Variants in TMEM207 observed in about 807,000 individuals in gnomAD.
TMEM207 encodes the protein SRSR846.
A neutral mutation model predicts 17.4 loss-of-function variants in TMEM207; 15 were observed. The observed-to-expected ratio is 0.86, with a 90% CI of 0.58 to 1.33. The LOEUF (loss-of-function observed/expected upper bound fraction) is 1.33. Ranked by LOEUF, TMEM207 falls within the 40% of genes most tolerant of loss-of-function variation. TMEM207 has a pLI of 0.00. For synonymous variants in TMEM207, 70 were observed against 65.6 expected (o/e 1.07, Z -0.33); for missense variants, 205 against 173.8 (o/e 1.18, Z -1.01).
chr3:190,444,481 T>A, intron 2 of TMEM207: 1 of 978,952 alleles, frequency 1.0e-6, no homozygotes, highest in African/African-American at 1.8e-5. Flanking sequence ...GTGTTCCAAA[T>A]GCTTTAAGGA....
rs898899988 is a variant in TMEM207 at position 190,429,438 on chromosome 3, T to G, written c.*157A>C. 9 of 1,076,520 alleles carry G rather than the reference T, an allele frequency of 8.4e-6. No homozygotes were observed. The highest frequency in any genetic ancestry group is 1.2e-5 in the Non-Finnish European group (9 of 775,108). 66.7% of individuals were successfully genotyped at this position (1,076,520 alleles called of 1,614,324 possible). On this transcript the variant is annotated 3_prime_UTR_variant, in exon 5 of 5. Transcript: ENST00000354905. ...TATTTAAACATCTCCATGACCAAAA[T>G]TTTTTCCAACATCCATTCTTTTGTC...
In TMEM207 at chr3:190,429,473, T is replaced by C. The variant is rs1315312512; in HGVS notation, c.*122A>G. The stretch of plus-strand genomic sequence containing the variant: ...CATCCATTCTTTTGTCGAATTGTCC[T>C]TCCTCAGACTATATGAATAGATCTC... On this transcript the variant is annotated 3_prime_UTR_variant, in exon 5 of 5. Coordinates refer to ENST00000354905, the MANE Select transcript of TMEM207 (RefSeq NM_207316.3). The C allele has an allele frequency of 7.3e-7, 1 of 1,366,364 alleles. No homozygotes were observed. Among genetic ancestry groups the C allele is most frequent in the East Asian group, 2.5e-5 (1 of 40,336 alleles). 84.6% of individuals were successfully genotyped at this position (1,366,364 alleles called of 1,614,324 possible). A position where few individuals can be genotyped will look rare whatever the true frequency, so the allele number is the denominator to read the frequency against.
intron 2 of TMEM207, 86 bp downstream of exon 2, chr3:190,447,704 G>C: frequency 7.3e-7 from 1 of 1,365,954 alleles, no homozygotes; most frequent in Non-Finnish European, 1.0e-6. Flanking sequence ...ACTCAACTGG[G>C]CTTTTTCTAA....
At chr3:190,449,086 G>T (rs546633114) in intron 1 of TMEM207, among the ~76,000 whole-genome samples, 1 of 152,136 alleles carries the variant, frequency 6.6e-6, no homozygotes, top group Non-Finnish European at 1.5e-5. Context: ...AGTCACTTCC[G>T]TGTTTTTTCT....
chr3:190,438,337 CAT>C (rs1420982660), intron 4 of TMEM207, among the ~76,000 whole-genome samples: 3 of 147,188 alleles, frequency 2.0e-5, no homozygotes, highest in African/African-American at 7.6e-5. Context: ...TTCAGAGTAA[CAT>C]AGAGAATGTG....
chr3:190,430,530 TA>T (rs1359629845), intron 4 of TMEM207, among the ~76,000 whole-genome samples: 1 of 151,156 alleles, frequency 6.6e-6, no homozygotes, highest in Admixed American at 6.6e-5. Flanking sequence ...TATATATATA[TA>T]TATGTATAAA....
chr3:190,444,554 T>G (rs1720005095), intron 2 of TMEM207: 1 of 602,356 alleles, frequency 1.7e-6, no homozygotes. Context: ...AGACAGAGAA[T>G]AGGCCAATAG....
intron 1 of TMEM207, among the ~76,000 whole-genome samples, chr3:190,448,274 G>A (rs1282298061): frequency 6.6e-6 from 1 of 151,968 alleles, no homozygotes; most frequent in Non-Finnish European, 1.5e-5. Context: ...TAGCATTAAT[G>A]GGCATTAAAT....
chr3:190,446,507 A>T (rs1448931439), intron 2 of TMEM207, among the ~76,000 whole-genome samples: 3 of 151,470 alleles, frequency 2.0e-5, no homozygotes, highest in East Asian at 1.9e-4. Flanking sequence ...TTGAGGGTTA[A>T]TTTTTTTTTG....
intron 4 of TMEM207, among the ~76,000 whole-genome samples, chr3:190,436,249 C>G (rs1457992565): frequency 2.6e-5 from 4 of 152,198 alleles, no homozygotes; most frequent in Admixed American, 2.0e-4. Context: ...CAAATCTAGT[C>G]TCTCCATTAA....
At chr3:190,432,496 T>C (rs1719712644) in intron 4 of TMEM207, among the ~76,000 whole-genome samples, 1 of 152,228 alleles carries the variant, frequency 6.6e-6, no homozygotes, top group Admixed American at 6.5e-5. Context: ...AAATGCTCAA[T>C]GAATGAGTCA....
rs1280801548 is a variant in TMEM207, at chr3:190,429,432, C to A, written c.*163G>T. 1.0e-6 allele frequency: 1 copy of A among 977,794 alleles called. No homozygotes were observed. The highest frequency in any genetic ancestry group is 1.7e-5 in the African/African-American group (1 of 59,406). The allele number at this position is 977,794 out of a possible 1,614,324, so 60.6% of individuals were successfully genotyped here. A position where few individuals can be genotyped will look rare whatever the true frequency, so the allele number is the denominator to read the frequency against. On this transcript the variant is annotated 3_prime_UTR_variant, in exon 5 of 5. Transcript: ENST00000354905. Reference sequence around the variant, plus strand: ...CTTTACTATTTAAACATCTCCATGACCAAAATTTTTTCCAACATCCATTCT... The same window carrying A: ...CTTTACTATTTAAACATCTCCATGAACAAAATTTTTTCCAACATCCATTCT...
At chr3:190,440,127 C>T (rs1017579163) in intron 4 of TMEM207, 117 bp downstream of exon 4, 13 of 1,272,084 alleles carry the variant, frequency 1.0e-5, no homozygotes, top group Admixed American at 7.7e-5. Flanking sequence ...CTTGGTGTCT[C>T]CAATAAGCCA....
At chr3:190,447,254 C>A (rs1032391115) in intron 2 of TMEM207, among the ~76,000 whole-genome samples, 5 of 152,130 alleles carry the variant, frequency 3.3e-5, no homozygotes, top group Admixed American at 6.5e-5. Flanking sequence ...ATTAATGGCA[C>A]CTTCTCTTCA....
rs143562066 is a variant in TMEM207, at chr3:190,437,566, T to A, written c.304+2678A>T. ...CAATGAGATACCATCTCACACCAGT[T>A]AGAATGGCAATCATTAAAAAGTCAG... is the stretch of plus-strand genomic sequence containing the variant. On this transcript the variant is annotated intron_variant, in intron 4 of 4. Coordinates refer to ENST00000354905, the MANE Select transcript of TMEM207 (RefSeq NM_207316.3). Among the ~76,000 whole-genome samples the A allele has an allele frequency of 6.7e-3, 1,017 of 152,234 alleles. 15 individuals are homozygous for A. The highest frequency in any genetic ancestry group is 0.023 in the African/African-American group (967 of 41,510).
At chr3:190,439,064 C>G (rs1010951354) in intron 4 of TMEM207, among the ~76,000 whole-genome samples, 9 of 151,312 alleles carry the variant, frequency 5.9e-5, no homozygotes, top group Admixed American at 5.9e-4. Context: ...GTAGTCCCAG[C>G]TACTCGGGAG....
At chr3:190,443,737 T>C (rs112244620) in intron 2 of TMEM207, among the ~76,000 whole-genome samples, 2,855 of 152,330 alleles carry the variant, frequency 0.019, 43 homozygotes, top group Middle Eastern at 0.031. Context: ...AGTAAGAGTA[T>C]TCTAATTACT....
intron 4 of TMEM207, among the ~76,000 whole-genome samples, chr3:190,430,306 T>C (rs1719665483): frequency 6.6e-6 from 1 of 152,036 alleles, no homozygotes; most frequent in East Asian, 1.9e-4. Context: ...GACTTCTAGA[T>C]TAGGCATAAT....
At chr3:190,436,016 G>C (rs1298963880) in intron 4 of TMEM207, among the ~76,000 whole-genome samples, 1 of 152,138 alleles carries the variant, frequency 6.6e-6, no homozygotes, top group African/African-American at 2.4e-5. Context: ...TTTAACATTA[G>C]CACAATTTGT....
Sources: gnomAD v4.1 joint callset for allele counts (sites outside exome capture counted in the v4.1 genomes callset) on GRCh38, gnomAD v4.1.1 for gene constraint, MANE v1.5 for transcripts, NCBI Gene and HGNC (gene_info 2026-07-23, HGNC 2026-07-21) for gene names.